The following ENTREP2 variants were observed in gnomAD, a reference collection of about 807,000 sequenced individuals.
The protein encoded by ENTREP2 is endosomal transmembrane epsin interactor 2.
the ENTREP2 span, among the ~76,000 whole-genome samples, chr15:29,300,078 T>A: frequency 2.2e-4 from 33 of 150,376 alleles, no homozygotes; most frequent in Non-Finnish European, 4.1e-4. Context: ...GGTGGACAGA[T>A]GGATGGGTAA....
chr15:29,333,122 G>T, the ENTREP2 span, among the ~76,000 whole-genome samples: 1 of 152,146 alleles, frequency 6.6e-6, no homozygotes, highest in Non-Finnish European at 1.5e-5. Flanking sequence ...AGCAGCTAGA[G>T]CCTGAGGAGA....
the ENTREP2 span, chr15:29,268,960 TG>T: frequency 6.2e-7 from 1 of 1,614,226 alleles, no homozygotes; most frequent in South Asian, 1.1e-5. Flanking sequence ...CGGGCCCCAC[TG>T]GAATTCGTAG....
chr15:29,175,669 A>G, the ENTREP2 span, among the ~76,000 whole-genome samples: 1 of 152,174 alleles, frequency 6.6e-6, no homozygotes, highest in Admixed American at 6.5e-5. Flanking sequence ...CAGTGGCACG[A>G]TCTCGGCTCA....
At chr15:29,507,313 A>C in the ENTREP2 span, among the ~76,000 whole-genome samples, 1 of 152,274 alleles carries the variant, frequency 6.6e-6, no homozygotes, top group African/African-American at 2.4e-5. Flanking sequence ...TAGTGGGAGA[A>C]TTTAACACCC....
At chr15:29,458,759 CG>C in the ENTREP2 span, among the ~76,000 whole-genome samples, 67 of 152,294 alleles carry the variant, frequency 4.4e-4, 1 homozygote, top group East Asian at 1.9e-4. Flanking sequence ...TGAACACAAA[CG>C]TTTTTTTCTG....
the ENTREP2 span, among the ~76,000 whole-genome samples, chr15:29,119,858 G>T: frequency 6.6e-6 from 1 of 152,204 alleles, no homozygotes; most frequent in Non-Finnish European, 1.5e-5. Context: ...CCCAGGACAA[G>T]GCGGGGAAGC....
the ENTREP2 span, among the ~76,000 whole-genome samples, chr15:29,398,702 T>C: frequency 5.2e-4 from 79 of 152,082 alleles, no homozygotes; most frequent in Non-Finnish European, 1.1e-3. Flanking sequence ...CCAGCCTGGG[T>C]GACAGAGCGA....
At chr15:29,371,765 A>G in the ENTREP2 span, among the ~76,000 whole-genome samples, 1 of 152,200 alleles carries the variant, frequency 6.6e-6, no homozygotes, top group Non-Finnish European at 1.5e-5. Context: ...CAAAGTAGTT[A>G]TCTAGAAAAT....
the ENTREP2 span, among the ~76,000 whole-genome samples, chr15:29,661,147 G>C: frequency 6.6e-6 from 1 of 152,248 alleles, no homozygotes; most frequent in African/African-American, 2.4e-5. Flanking sequence ...GGAAATTAAA[G>C]GTTCATTTGA....
the ENTREP2 span, among the ~76,000 whole-genome samples, chr15:29,672,992 A>G: frequency 5.5e-3 from 840 of 152,156 alleles, 9 homozygotes; most frequent in African/African-American, 0.019. Context: ...CAAGCGGTGG[A>G]TTATACACGA....
the ENTREP2 span, among the ~76,000 whole-genome samples, chr15:29,312,043 A>C: frequency 6.6e-6 from 1 of 152,360 alleles, no homozygotes; most frequent in African/African-American, 2.4e-5. Flanking sequence ...GATAGGATAA[A>C]GTCATGCCTA....
the ENTREP2 span, among the ~76,000 whole-genome samples, chr15:29,206,215 G>A: frequency 6.6e-6 from 1 of 152,144 alleles, no homozygotes; most frequent in African/African-American, 2.4e-5. Flanking sequence ...TTCACAGATG[G>A]ATCACTGTGT....
chr15:29,327,046 CT>C, the ENTREP2 span, among the ~76,000 whole-genome samples: 1 of 151,978 alleles, frequency 6.6e-6, no homozygotes, highest in Non-Finnish European at 1.5e-5. Context: ...AAACTTACAC[CT>C]TACTCAAAAA....
the ENTREP2 span, among the ~76,000 whole-genome samples, chr15:29,325,236 G>A: frequency 4.6e-5 from 7 of 151,932 alleles, no homozygotes; most frequent in Admixed American, 6.6e-5. Context: ...AAGAAGAAAC[G>A]TTTATAACCA....
the ENTREP2 span, among the ~76,000 whole-genome samples, chr15:29,170,684 T>C: frequency 9.9e-5 from 15 of 152,184 alleles, no homozygotes; most frequent in African/African-American, 2.7e-4. Flanking sequence ...CCCCACACCA[T>C]GTGAGGACAC....
At chr15:29,524,399 C>A in the ENTREP2 span, among the ~76,000 whole-genome samples, 1 of 152,108 alleles carries the variant, frequency 6.6e-6, no homozygotes, top group Non-Finnish European at 1.5e-5. Context: ...TGAAGTAGAA[C>A]CCCCACACAT....
the ENTREP2 span, among the ~76,000 whole-genome samples, chr15:29,220,497 G>A: frequency 1.3e-5 from 2 of 152,148 alleles, no homozygotes; most frequent in African/African-American, 2.4e-5. Context: ...ACACAGCCAC[G>A]TGGCACAGGA....
chr15:29,202,100 G>A, the ENTREP2 span, among the ~76,000 whole-genome samples: 1 of 152,144 alleles, frequency 6.6e-6, no homozygotes, highest in Non-Finnish European at 1.5e-5. Flanking sequence ...TTTGATGTCT[G>A]CTGGGTCTGT....
At chr15:29,431,983 A>G in the ENTREP2 span, among the ~76,000 whole-genome samples, 1 of 152,214 alleles carries the variant, frequency 6.6e-6, no homozygotes, top group East Asian at 1.9e-4. Flanking sequence ...TTTGATAGTT[A>G]GCAAAACCAG....
Sources: gnomAD v4.1 joint callset for allele counts (sites outside exome capture counted in the v4.1 genomes callset) on GRCh38, gnomAD v4.1.1 for gene constraint, MANE v1.5 for transcripts, NCBI Gene and HGNC (gene_info 2026-07-23, HGNC 2026-07-21) for gene names.